The following NDRG1 variants were observed in gnomAD, a reference collection of about 807,000 sequenced individuals.
NDRG1 encodes the protein protein NDRG1.
Under a neutral mutation model 56.9 loss-of-function variants are expected in NDRG1, and 32 were observed. That is an observed-to-expected ratio of 0.56 (90% CI 0.42 to 0.76). The LOEUF is 0.76. Among genes scored for constraint, NDRG1 ranks in the 30% least tolerant of loss-of-function variants. The pLI is 0.00. For synonymous variants in NDRG1, 211 were observed against 204.1 expected (o/e 1.03, Z -0.29); for missense variants, 507 against 545.7 (o/e 0.93, Z 0.71).
intron 3 of NDRG1, among the ~76,000 whole-genome samples, chr8:133,279,370 G>A (rs1167056174): frequency 2.0e-5 from 3 of 152,202 alleles, no homozygotes; most frequent in East Asian, 1.9e-4. Flanking sequence ...TCCTCGCCTC[G>A]GGATGGATGG....
At chr8:133,252,221 G>A (rs906899453) in intron 9 of NDRG1, among the ~76,000 whole-genome samples, 1 of 152,100 alleles carries the variant, frequency 6.6e-6, no homozygotes, top group Admixed American at 6.5e-5. Flanking sequence ...TCAGCCTCCC[G>A]AGTAGCTGGG....
intron 1 of NDRG1, among the ~76,000 whole-genome samples, chr8:133,292,853 G>C (rs1056453781): frequency 1.3e-5 from 2 of 152,222 alleles, no homozygotes; most frequent in Non-Finnish European, 1.5e-5. Context: ...AAGGCCCCCA[G>C]ACTGTTAAGG....
chr8:133,262,097 G>A lies in NDRG1; in HGVS notation c.276C>T (p.Cys92=), dbSNP rs1272995021. The change falls in exon 5 of 16, where the codon TGC becomes TGT. Residue 92 remains cysteine (C), a synonymous_variant. Transcript: ENST00000323851. ...CCTGCTGGCCAGGGGCGTCCACGTG[G>A]CAGACGGCAAAGTGCTGGGTGATCT... ...MQEITQHFAV[C]HVDAPGQQDG... 2.4e-5 allele frequency: 38 copies of A among 1,614,064 alleles called. No homozygotes were observed. The highest frequency in any genetic ancestry group is 3.2e-5 in the Non-Finnish European group (38 of 1,180,026).
intron 5 of NDRG1, among the ~76,000 whole-genome samples, chr8:133,260,941 C>G (rs1856630394): frequency 6.6e-6 from 1 of 152,064 alleles, no homozygotes; most frequent in Non-Finnish European, 1.5e-5. Context: ...ACAAGCTTGA[C>G]CATAATTGCA....
At chr8:133,256,927 A>G in intron 7 of NDRG1, 64 bp from the exon 8 acceptor site, 1 of 1,495,214 alleles carries the variant, frequency 6.7e-7, no homozygotes, top group Non-Finnish European at 9.2e-7. Flanking sequence ...GAACTTTCCA[A>G]GGCAAACCAA....
At chr8:133,239,659 G>A (rs867027314) in intron 15 of NDRG1, 3 of 176,384 alleles carry the variant, frequency 1.7e-5, no homozygotes, top group African/African-American at 7.0e-5. Flanking sequence ...TGCTAACAAG[G>A]GCGCTGTCTA....
At chr8:133,241,981 C>G (rs2130667292) in intron 15 of NDRG1, 42 bp downstream of exon 15, 1 of 1,611,866 alleles carries the variant, frequency 6.2e-7, no homozygotes, top group African/African-American at 1.3e-5. Context: ...CCAATTCCGA[C>G]ACATGCCCCG....
At chr8:133,274,352 A>C (rs994680193) in intron 3 of NDRG1, among the ~76,000 whole-genome samples, 1 of 152,250 alleles carries the variant, frequency 6.6e-6, no homozygotes, top group Non-Finnish European at 1.5e-5. Flanking sequence ...TAAATTATTG[A>C]CTACATTGGT....
rs561844965 is a variant in NDRG1 at position 133,251,222 on chromosome 8, G to C, written c.595-679C>G. Among the ~76,000 whole-genome samples, 3 of 152,322 alleles carry C rather than the reference G, an allele frequency of 2.0e-5. No individual in the cohort carries two copies. The South Asian group carries it at 6.2e-4, about 32-fold the overall frequency. The stretch of plus-strand genomic sequence containing the variant: ...GAATGTTATTTGCGACAAACAACTT[G>C]TTTGCTCTGTTTCTCATTTGTACGA... On this transcript the variant is annotated intron_variant, in intron 9 of 15. Coordinates refer to ENST00000323851, the MANE Select transcript of NDRG1 (RefSeq NM_006096.4).
chr8:133,260,246 G>T (rs1308645542), intron 5 of NDRG1, among the ~76,000 whole-genome samples: 1 of 152,048 alleles, frequency 6.6e-6, no homozygotes, highest in African/African-American at 2.4e-5. Context: ...TGGACACCGG[G>T]GCCAGGAGGA....
intron 1 of NDRG1, among the ~76,000 whole-genome samples, chr8:133,291,656 A>G (rs900071017): frequency 2.0e-5 from 3 of 152,172 alleles, no homozygotes; most frequent in African/African-American, 7.2e-5. Context: ...GAGCAATCAG[A>G]ATCAAGGAAA....
At chr8:133,289,740 A>G (rs1313682394) in intron 1 of NDRG1, among the ~76,000 whole-genome samples, 1 of 152,086 alleles carries the variant, frequency 6.6e-6, no homozygotes, top group East Asian at 1.9e-4. Flanking sequence ...CCACTTGAGA[A>G]CTGTTCAACA....
chr8:133,249,860 TGGCAGAGCGAGCTCAGCA>T, intron 10 of NDRG1, among the ~76,000 whole-genome samples: 1 of 152,356 alleles, frequency 6.6e-6, no homozygotes, highest in African/African-American at 2.4e-5. Flanking sequence ...TCTGCGAGCG[TGGCAGAGCGAGCTCAGCA>T]GGTTGAGCGA....
intron 8 of NDRG1, chr8:133,255,170 T>A (rs1856299532): frequency 5.1e-6 from 2 of 395,886 alleles, no homozygotes; most frequent in Admixed American, 6.1e-5. Context: ...GACCTAAGCA[T>A]TAGGCAAAAA....
In NDRG1 at chr8:133,247,875, C is replaced by T; in HGVS notation, c.807G>A (p.Val269=). The change falls in exon 12 of 16, where the codon GTG becomes GTA. Residue 269 remains valine (V), a splice_region_variant and synonymous_variant. Coordinates refer to ENST00000323851, the MANE Select transcript of NDRG1 (RefSeq NM_006096.4). ...GAAATCAGCTGTGATTTCTACATAC[C>T]ACGGCATCCACTGCAGGCGAGCTGT... ...VGDSSPAVDA[V]VECNSKLDPT... is the part of the protein sequence containing the mutation. 6.2e-7 allele frequency: 1 copy of T among 1,614,072 alleles called. No homozygotes were observed. The highest frequency in any genetic ancestry group is 8.5e-7 in the Non-Finnish European group (1 of 1,180,006).
At chr8:133,286,551 A>T (rs1858123675) in intron 1 of NDRG1, among the ~76,000 whole-genome samples, 1 of 152,154 alleles carries the variant, frequency 6.6e-6, no homozygotes, top group Admixed American at 6.6e-5. Flanking sequence ...GCAATGGGTT[A>T]AAAAAATCGC....
At chr8:133,245,457 A>ATT (rs1306289171) in intron 13 of NDRG1, among the ~76,000 whole-genome samples, 6 of 152,158 alleles carry the variant, frequency 3.9e-5, no homozygotes, top group African/African-American at 1.2e-4. Context: ...CCCTAAAGCT[A>ATT]ACGGCTGATG....
chr8:133,240,363 T>C (rs1286929844), intron 15 of NDRG1: 1 of 152,232 alleles, frequency 6.6e-6, no homozygotes, highest in Non-Finnish European at 1.5e-5. Flanking sequence ...AGGGAGGGGC[T>C]TTTGATGTCA....
chr8:133,293,321 A>G (rs892191093), intron 1 of NDRG1, among the ~76,000 whole-genome samples: 4 of 152,204 alleles, frequency 2.6e-5, no homozygotes, highest in Non-Finnish European at 5.9e-5. Context: ...GGCAGGAACA[A>G]CAGCCTGGGG....
Sources: allele counts gnomAD v4.1 joint callset (sites outside exome capture counted in the v4.1 genomes callset), GRCh38; gene constraint gnomAD v4.1.1; transcripts MANE v1.5; gene names NCBI Gene and HGNC (gene_info 2026-07-23, HGNC 2026-07-21).